The following CPED1 variants were observed in gnomAD, a reference collection of about 807,000 sequenced individuals.
CPED1 encodes cadherin like and PC-esterase domain containing 1, also known as cadherin-like and PC-esterase domain-containing protein 1.
Under a neutral mutation model 128.2 loss-of-function variants are expected in CPED1, and 114 were observed. The ratio of observed to expected loss-of-function variants is 0.89; its 90% CI spans 0.76 to 1.04. The LOEUF (loss-of-function observed/expected upper bound fraction) is 1.04. CPED1 is among the 50% of genes least tolerant of loss of function. The pLI, the probability that CPED1 is intolerant of heterozygous loss-of-function variation, is 0.00. For missense variants in CPED1, 1,211 were observed against 1,207.1 expected (o/e 1.00, Z -0.05); for synonymous variants, 462 against 426.7 (o/e 1.08, Z -1.02).
At chr7:121,287,550 T>A (rs557868585) in intron 22 of CPED1, among the ~76,000 whole-genome samples, 1 of 152,282 alleles carries the variant, frequency 6.6e-6, no homozygotes, top group Non-Finnish European at 1.5e-5. Context: ...TCATAATGAG[T>A]CATGATTGTA....
chr7:121,160,801 G>A (rs1796395898), intron 16 of CPED1, among the ~76,000 whole-genome samples: 1 of 152,054 alleles, frequency 6.6e-6, no homozygotes, highest in African/African-American at 2.4e-5. Context: ...GGCTTCTCAG[G>A]GACCCAGCAG....
At chr7:121,199,300 A>G (rs1797334884) in intron 16 of CPED1, among the ~76,000 whole-genome samples, 1 of 152,104 alleles carries the variant, frequency 6.6e-6, no homozygotes, top group African/African-American at 2.4e-5. Context: ...GATTCAACTC[A>G]CTGGCTTTCC....
chr7:121,091,598 G>A (rs1483626540), intron 5 of CPED1, among the ~76,000 whole-genome samples: 4 of 152,106 alleles, frequency 2.6e-5, no homozygotes, highest in Admixed American at 6.5e-5. Context: ...TTTAATAGTA[G>A]CAACTGTGTA....
intron 22 of CPED1, among the ~76,000 whole-genome samples, chr7:121,291,399 C>A (rs898370978): frequency 6.6e-6 from 1 of 152,168 alleles, no homozygotes; most frequent in African/African-American, 2.4e-5. Context: ...GCAATATGGC[C>A]ATTTTCACAA....
At chr7:120,994,241 T>C (rs1796356107) in intron 2 of CPED1, among the ~76,000 whole-genome samples, 1 of 152,192 alleles carries the variant, frequency 6.6e-6, no homozygotes, top group South Asian at 2.1e-4. Context: ...AAAAATGTTG[T>C]AATTATCTCA....
intron 16 of CPED1, among the ~76,000 whole-genome samples, chr7:121,213,126 T>A (rs1317907627): frequency 6.6e-6 from 1 of 151,882 alleles, no homozygotes; most frequent in Admixed American, 6.6e-5. Context: ...AAGATTTAAT[T>A]GGTCCATAAA....
intron 16 of CPED1, among the ~76,000 whole-genome samples, chr7:121,204,195 C>T (rs530646979): frequency 6.6e-5 from 10 of 152,108 alleles, no homozygotes; most frequent in African/African-American, 1.4e-4. Context: ...GGTTTGATTA[C>T]GGGTTAGGTT....
intron 5 of CPED1, among the ~76,000 whole-genome samples, chr7:121,094,056 T>C (rs192414319): frequency 4.0e-4 from 61 of 152,320 alleles, no homozygotes; most frequent in Non-Finnish European, 4.4e-5. Context: ...TTTGCAGAGC[T>C]GTTATACCTG....
At chr7:121,253,270 T>C (rs13244291) in intron 18 of CPED1, among the ~76,000 whole-genome samples, 59,785 of 137,452 alleles carry the variant, frequency 0.43, 12,839 homozygotes, top group Middle Eastern at 0.57. Flanking sequence ...CATGAGAACA[T>C]ATGGACACAG....
chr7:121,090,566 A>C lies in CPED1; in HGVS notation c.617-7133A>C, dbSNP rs539668334. Among the ~76,000 whole-genome samples, 8 of 152,346 alleles carry C rather than the reference A, an allele frequency of 5.3e-5. No individual in the cohort carries two copies. The East Asian group carries it at 1.2e-3, about 22-fold the overall frequency. On this transcript the variant is annotated intron_variant, in intron 5 of 22. Coordinates refer to ENST00000310396, the MANE Select transcript of CPED1 (RefSeq NM_024913.5). ...ATGTTAAGGCTAGAATTCTGTACTA[A>C]TATACCTTTATGTGTTTGGCGTATC...
intron 2 of CPED1, among the ~76,000 whole-genome samples, chr7:120,998,507 A>G (rs1358430943): frequency 1.3e-5 from 2 of 152,186 alleles, no homozygotes; most frequent in Non-Finnish European, 2.9e-5. Context: ...AATATTAACT[A>G]TGAAAATAAT....
At chr7:121,091,460 G>T (rs1434591152) in intron 5 of CPED1, among the ~76,000 whole-genome samples, 2 of 152,148 alleles carry the variant, frequency 1.3e-5, no homozygotes, top group Non-Finnish European at 2.9e-5. Context: ...ACTTTTATCT[G>T]TTAGTGAGTA....
At chr7:121,191,368 G>A (rs1173933423) in intron 16 of CPED1, among the ~76,000 whole-genome samples, 1 of 152,114 alleles carries the variant, frequency 6.6e-6, no homozygotes, top group Non-Finnish European at 1.5e-5. Flanking sequence ...GCTTCTTGGA[G>A]GAAGTGACAT....
At chr7:121,159,450 G>C (rs1439454484) in intron 16 of CPED1, among the ~76,000 whole-genome samples, 1 of 152,106 alleles carries the variant, frequency 6.6e-6, no homozygotes, top group Non-Finnish European at 1.5e-5. Flanking sequence ...AAATTCAGTA[G>C]AAATACATGG....
chr7:121,225,305 ACT>A (rs1797978978), intron 16 of CPED1, among the ~76,000 whole-genome samples: 1 of 151,932 alleles, frequency 6.6e-6, no homozygotes, highest in African/African-American at 2.4e-5. Flanking sequence ...ATTGGCCCCC[ACT>A]CTCTTCTGGC....
chr7:121,005,264 C>T (rs984990048), intron 2 of CPED1, among the ~76,000 whole-genome samples: 8 of 152,090 alleles, frequency 5.3e-5, no homozygotes, highest in Non-Finnish European at 1.0e-4. Flanking sequence ...TGAACTCATC[C>T]TTTTTTATGG....
chr7:121,004,896 C>T (rs909564433), intron 2 of CPED1, among the ~76,000 whole-genome samples: 11 of 152,136 alleles, frequency 7.2e-5, no homozygotes, highest in Non-Finnish European at 4.4e-5. Context: ...AATTTCTGGT[C>T]CAGCCCCCAA....
At chr7:121,064,685 C>T (rs1368822137) in intron 5 of CPED1, among the ~76,000 whole-genome samples, 1 of 152,040 alleles carries the variant, frequency 6.6e-6, no homozygotes, top group Admixed American at 6.6e-5. Flanking sequence ...TTAAATTATT[C>T]TGATCCTAAA....
intron 14 of CPED1, among the ~76,000 whole-genome samples, chr7:121,139,601 G>T (rs1584541295): frequency 6.6e-6 from 1 of 152,100 alleles, no homozygotes; most frequent in African/African-American, 2.4e-5. Flanking sequence ...CAGCTGGAGA[G>T]CAAGACAAGG....
Sources: gnomAD v4.1 joint callset for allele counts (sites outside exome capture counted in the v4.1 genomes callset) on GRCh38, gnomAD v4.1.1 for gene constraint, MANE v1.5 for transcripts, NCBI Gene and HGNC (gene_info 2026-07-23, HGNC 2026-07-21) for gene names.